Variants in PRKCH observed in about 807,000 individuals in gnomAD.
PRKCH encodes the protein protein kinase C eta.
A neutral mutation model predicts 82.5 loss-of-function variants in PRKCH; 28 were observed. The observed-to-expected ratio is 0.34, with a 90% CI of 0.25 to 0.47. The LOEUF (loss-of-function observed/expected upper bound fraction) is 0.47. Ranked by LOEUF, PRKCH falls within the 20% of genes least tolerant of loss-of-function variation. PRKCH has a pLI of 1.00. For missense variants in PRKCH, 705 were observed against 881.8 expected (o/e 0.80, Z 2.54); for synonymous variants, 322 against 327.4 (o/e 0.98, Z 0.18).
chr14:61,225,857 T>C (rs1169358231), intron 1 of PRKCH, among the ~76,000 whole-genome samples: 1 of 152,040 alleles, frequency 6.6e-6, no homozygotes. Flanking sequence ...TCCAGCCTCA[T>C]CCTCCCATAT....
intron 8 of PRKCH, 47 bp from the exon 9 acceptor site, chr14:61,457,459 A>T (rs777767847): frequency 6.2e-7 from 1 of 1,602,970 alleles, no homozygotes. Flanking sequence ...ACACCCTAAG[A>T]CCCCCAAGAG....
intron 1 of PRKCH, among the ~76,000 whole-genome samples, chr14:61,371,609 CA>C (rs1455572364): frequency 6.6e-6 from 1 of 152,036 alleles, no homozygotes; most frequent in Non-Finnish European, 1.5e-5. Context: ...CATTTCATTC[CA>C]TCATGTCATA....
At chr14:61,208,125 T>A (rs1299955779) in intron 1 of PRKCH, among the ~76,000 whole-genome samples, 3 of 152,132 alleles carry the variant, frequency 2.0e-5, no homozygotes, top group Admixed American at 2.0e-4. Context: ...AGAGATGAAA[T>A]GTTTGATTTA....
chr14:61,352,373 C>T (rs1402492117), intron 1 of PRKCH, among the ~76,000 whole-genome samples: 1 of 152,018 alleles, frequency 6.6e-6, no homozygotes, highest in Non-Finnish European at 1.5e-5. Context: ...AAAGATGTCC[C>T]AGATATAGGC....
At chr14:61,213,455 A>T (rs1193663709) in intron 1 of PRKCH, among the ~76,000 whole-genome samples, 3 of 152,186 alleles carry the variant, frequency 2.0e-5, no homozygotes, top group African/African-American at 7.2e-5. Context: ...CTAAATTTGG[A>T]CCCAAATGCA....
chr14:61,332,548 C>A (rs951285924), intron 1 of PRKCH, among the ~76,000 whole-genome samples: 49 of 152,176 alleles, frequency 3.2e-4, no homozygotes, highest in African/African-American at 1.2e-3. Context: ...GAGATAAATG[C>A]TTAAAAGTTA....
intron 12 of PRKCH, among the ~76,000 whole-genome samples, chr14:61,534,476 C>T (rs1443020457): frequency 6.6e-6 from 1 of 152,174 alleles, no homozygotes; most frequent in African/African-American, 2.4e-5. Context: ...ATCAGGCTTT[C>T]TGGGAGCTTG....
intron 2 of PRKCH, among the ~76,000 whole-genome samples, chr14:61,398,428 A>G (rs1267618477): frequency 6.6e-6 from 1 of 152,036 alleles, no homozygotes; most frequent in African/African-American, 2.4e-5. Flanking sequence ...TGAGGACAAA[A>G]AGATGTAGCT....
At chr14:61,498,942 A>G (rs1166737784) in intron 10 of PRKCH, among the ~76,000 whole-genome samples, 1 of 152,188 alleles carries the variant, frequency 6.6e-6, no homozygotes, top group African/African-American at 2.4e-5. Flanking sequence ...TTGGTTTGAT[A>G]GTGCCAAATC....
At chr14:61,521,816 T>G (rs2042911287) in intron 10 of PRKCH, among the ~76,000 whole-genome samples, 1 of 152,162 alleles carries the variant, frequency 6.6e-6, no homozygotes, top group Non-Finnish European at 1.5e-5. Context: ...CACACAGCTC[T>G]GCTACCCTAC....
chr14:61,328,996 A>C (rs548669437), intron 1 of PRKCH, among the ~76,000 whole-genome samples: 1 of 152,016 alleles, frequency 6.6e-6, no homozygotes, highest in Admixed American at 6.5e-5. Context: ...AAAAAAAAAA[A>C]AAAGCTGAAA....
At chr14:61,545,623 CA>C (rs1369767551) in intron 12 of PRKCH, among the ~76,000 whole-genome samples, 1 of 152,068 alleles carries the variant, frequency 6.6e-6, no homozygotes, top group Non-Finnish European at 1.5e-5. Context: ...GGGCTCAGGC[CA>C]AGGTATTAAA....
intron 2 of PRKCH, among the ~76,000 whole-genome samples, chr14:61,420,823 A>C (rs1882799036): frequency 6.6e-6 from 1 of 152,128 alleles, no homozygotes; most frequent in Non-Finnish European, 1.5e-5. Flanking sequence ...AAAGAGGCTA[A>C]GCGTCAGTTG....
At chr14:61,539,894 A>G (rs975907326) in intron 12 of PRKCH, among the ~76,000 whole-genome samples, 5 of 152,232 alleles carry the variant, frequency 3.3e-5, no homozygotes, top group African/African-American at 1.2e-4. Context: ...GAGCACTCTC[A>G]TCACTTAATG....
intron 9 of PRKCH, among the ~76,000 whole-genome samples, chr14:61,483,402 A>G (rs748168377): frequency 3.3e-5 from 5 of 152,256 alleles, no homozygotes; most frequent in Non-Finnish European, 7.3e-5. Flanking sequence ...CTGTATTTAC[A>G]TAGTTTGCCT....
chr14:61,252,388 A>G (rs1438284587), intron 1 of PRKCH, among the ~76,000 whole-genome samples: 1 of 152,116 alleles, frequency 6.6e-6, no homozygotes, highest in African/African-American at 2.4e-5. Context: ...GGTCTCAACA[A>G]CCCATGTGAA....
intron 5 of PRKCH, 67 bp downstream of exon 5, chr14:61,449,319 T>TCTCC: frequency 1.5e-6 from 2 of 1,330,674 alleles, no homozygotes; most frequent in Non-Finnish European, 1.1e-6. Context: ...CCGCCGTCTC[T>TCTCC]CTCCCTCCCT....
chr14:61,240,665 C>A (rs1466139805), intron 1 of PRKCH, among the ~76,000 whole-genome samples: 2 of 151,772 alleles, frequency 1.3e-5, no homozygotes, highest in Non-Finnish European at 2.9e-5. Context: ...TTCACCCTTT[C>A]CAGCTGCCTA....
At position 61,549,669 on chromosome 14, in the gene PRKCH, C is replaced by CTTTT; in HGVS notation, c.1906-9_1906-6dup. 1 of 1,360,320 alleles carries CTTTT rather than the reference C, an allele frequency of 7.4e-7. No homozygotes were observed. The highest frequency in any genetic ancestry group is 1.4e-5 in the South Asian group (1 of 73,168). 84.3% of individuals were successfully genotyped at this position (1,360,320 alleles called of 1,614,324 possible). A position where few individuals can be genotyped will look rare whatever the true frequency, so the allele number is the denominator to read the frequency against. On this transcript the variant is annotated splice_polypyrimidine_tract_variant and intron_variant, in intron 13 of 13. Coordinates refer to ENST00000332981, the MANE Select transcript of PRKCH (RefSeq NM_006255.5). ...GCGCAAAAATCTCACCCTTGTTTCC[C>CTTTT]TTTTTTTTTTGGCAGAAATCCCGAG... is the stretch of plus-strand genomic sequence containing the variant.
Sources: allele counts gnomAD v4.1 joint callset (sites outside exome capture counted in the v4.1 genomes callset), GRCh38; gene constraint gnomAD v4.1.1; transcripts MANE v1.5; gene names NCBI Gene and HGNC (gene_info 2026-07-23, HGNC 2026-07-21).